Variants in RIMS2 observed in about 807,000 individuals in gnomAD.
RIMS2 encodes regulating synaptic membrane exocytosis 2, also known as regulating synaptic membrane exocytosis protein 2.
In RIMS2, 59 loss-of-function variants were observed where a neutral mutation model predicts 174.4. That is an observed-to-expected ratio of 0.34 (90% CI 0.27 to 0.42). The LOEUF (loss-of-function observed/expected upper bound fraction) is 0.42. Among genes scored for constraint, RIMS2 ranks in the 10% least tolerant of loss-of-function variants. The pLI is 1.00. For missense variants in RIMS2, 1,620 were observed against 1,666.3 expected, an observed-to-expected ratio of 0.97 and a Z score of 0.48; for synonymous variants, 606 against 572.5, an observed-to-expected ratio of 1.06 and a Z score of -0.84.
intron 1 of RIMS2, among the ~76,000 whole-genome samples, chr8:103,603,508 T>C (rs1309711698): frequency 1.3e-5 from 2 of 152,028 alleles, no homozygotes; most frequent in South Asian, 2.1e-4. Flanking sequence ...TTTGGGTATA[T>C]ACCCAGTAAT....
At chr8:103,879,524 C>G (rs1289896289) in intron 3 of RIMS2, among the ~76,000 whole-genome samples, 1 of 151,266 alleles carries the variant, frequency 6.6e-6, no homozygotes, top group African/African-American at 2.4e-5. Flanking sequence ...TTGCCTTTCT[C>G]TTTGAATAAT....
intron 3 of RIMS2, among the ~76,000 whole-genome samples, chr8:103,798,308 C>G (rs185427137): frequency 2.6e-4 from 40 of 151,710 alleles, no homozygotes; most frequent in African/African-American, 9.2e-4. Flanking sequence ...TGTACATTAA[C>G]AAATTTAAAT....
At chr8:104,171,970 G>A (rs2098835131) in intron 19 of RIMS2, among the ~76,000 whole-genome samples, 1 of 152,184 alleles carries the variant, frequency 6.6e-6, no homozygotes, top group Admixed American at 6.5e-5. Flanking sequence ...GCTGCTTGTA[G>A]TAGTTTGGTA....
At chr8:104,153,101 A>G (rs2098699946) in intron 19 of RIMS2, among the ~76,000 whole-genome samples, 1 of 152,100 alleles carries the variant, frequency 6.6e-6, no homozygotes. Flanking sequence ...ACCTTTTATA[A>G]AGGTATGTTG....
chr8:104,248,485 G>T (rs1211279598), intron 20 of RIMS2, among the ~76,000 whole-genome samples: 1 of 152,188 alleles, frequency 6.6e-6, no homozygotes, highest in Non-Finnish European at 1.5e-5. Context: ...GAAGCCTGCA[G>T]TGCAGTGTGA....
chr8:104,200,542 A>G (rs1282846146), intron 19 of RIMS2, among the ~76,000 whole-genome samples: 1 of 152,236 alleles, frequency 6.6e-6, no homozygotes, highest in Non-Finnish European at 1.5e-5. Flanking sequence ...AATTGAAAAG[A>G]AAGAATACTT....
intron 17 of RIMS2, among the ~76,000 whole-genome samples, chr8:103,997,205 C>G (rs897360791): frequency 6.6e-6 from 1 of 151,664 alleles, no homozygotes; most frequent in Non-Finnish European, 1.5e-5. Flanking sequence ...GATACAGTGG[C>G]TTGAGAGGAA....
At chr8:103,586,085 C>T (rs977529376) in intron 1 of RIMS2, among the ~76,000 whole-genome samples, 1 of 151,928 alleles carries the variant, frequency 6.6e-6, no homozygotes, top group Non-Finnish European at 1.5e-5. Context: ...ACTGGAGCAA[C>T]CAGATATATA....
At chr8:103,542,840 T>A (rs1200892542) in intron 1 of RIMS2, among the ~76,000 whole-genome samples, 1 of 152,118 alleles carries the variant, frequency 6.6e-6, no homozygotes, top group Admixed American at 6.6e-5. Context: ...ATAAATAAAC[T>A]TCTAAAAAGT....
chr8:103,508,434 T>A (rs771865704), intron 1 of RIMS2, among the ~76,000 whole-genome samples: 1 of 141,778 alleles, frequency 7.1e-6, no homozygotes, highest in Non-Finnish European at 1.5e-5. Flanking sequence ...AATTCCTCTT[T>A]GCCCCCAAAA....
At chr8:104,184,992 A>C (rs2098960540) in intron 19 of RIMS2, among the ~76,000 whole-genome samples, 1 of 151,502 alleles carries the variant, frequency 6.6e-6, no homozygotes, top group Admixed American at 6.6e-5. Flanking sequence ...TTTTGGGTGT[A>C]CCAATAGTAC....
At chr8:104,063,366 A>G (rs1398362646) in intron 19 of RIMS2, among the ~76,000 whole-genome samples, 4 of 152,174 alleles carry the variant, frequency 2.6e-5, no homozygotes, top group Non-Finnish European at 5.9e-5. Context: ...TTAGTTTTGT[A>G]AAGACATACA....
intron 19 of RIMS2, among the ~76,000 whole-genome samples, chr8:104,221,291 G>C (rs191024578): frequency 3.0e-4 from 46 of 151,996 alleles, no homozygotes; most frequent in African/African-American, 1.1e-3. Context: ...TAAAACAATA[G>C]TGCAATTGAT....
intron 3 of RIMS2, among the ~76,000 whole-genome samples, chr8:103,816,490 A>AT (rs2098719370): frequency 6.6e-6 from 1 of 152,212 alleles, no homozygotes; most frequent in Admixed American, 6.5e-5. Context: ...GATATTAAAC[A>AT]TTTTTTCAAG....
intron 3 of RIMS2, among the ~76,000 whole-genome samples, chr8:103,814,807 A>G: frequency 6.6e-6 from 1 of 152,180 alleles, no homozygotes. Context: ...TGAACCCAGG[A>G]GTTCGGAGTT....
chr8:104,199,986 A>G (rs1752593674), intron 19 of RIMS2, among the ~76,000 whole-genome samples: 1 of 152,184 alleles, frequency 6.6e-6, no homozygotes, highest in African/African-American at 2.4e-5. Flanking sequence ...AAATGGCAGT[A>G]TTATGAGTCA....
chr8:103,736,586 T>C (rs2097688371), intron 2 of RIMS2, among the ~76,000 whole-genome samples: 2 of 152,214 alleles, frequency 1.3e-5, no homozygotes, highest in African/African-American at 4.8e-5. Flanking sequence ...TTATGTCCAG[T>C]TATGAATTGG....
rs764750786 is a variant in RIMS2, at chr8:104,245,003, A to C, written c.3422A>C (p.Gln1141Pro). ...GAAATGAGGAACTGGATGACTCGACAGGCAAGCCGAGAGTCTACAGATGGT... is the reference window on the plus strand; with the variant it reads ...GAAATGAGGAACTGGATGACTCGACCGGCAAGCCGAGAGTCTACAGATGGT... The change falls in exon 20 of 24, where the codon CAG becomes CCG. Residue 1141 changes from glutamine to proline, a missense_variant. Transcript: ENST00000504942. 1.9e-6 allele frequency: 3 copies of C among 1,613,938 alleles called. No homozygotes were observed. In the Admixed American group the frequency reaches 5.0e-5, roughly 27 times the overall value.
intron 19 of RIMS2, among the ~76,000 whole-genome samples, chr8:104,167,267 G>T (rs578217049): frequency 6.6e-6 from 1 of 152,138 alleles, no homozygotes; most frequent in Non-Finnish European, 1.5e-5. Flanking sequence ...GTTTCTTCCT[G>T]ATTTAAACTA....
Sources: gnomAD v4.1 joint callset for allele counts (sites outside exome capture counted in the v4.1 genomes callset) on GRCh38, gnomAD v4.1.1 for gene constraint, MANE v1.5 for transcripts, NCBI Gene and HGNC (gene_info 2026-07-23, HGNC 2026-07-21) for gene names.